The following WWOX variants were observed in gnomAD, a reference collection of about 807,000 sequenced individuals.
WWOX encodes the protein WW domain-containing oxidoreductase.
WWOX carries 69 observed loss-of-function variants against 46.2 expected under a neutral mutation model. The observed-to-expected ratio is 1.49, with a 90% CI of 1.23 to 1.82. WWOX has a LOEUF of 1.82. WWOX is among the 40% of genes most tolerant of loss of function. The pLI is 0.00. For synonymous variants in WWOX, 359 were observed against 202.6 expected, an observed-to-expected ratio of 1.77 and a Z score of -6.56; for missense variants, 919 against 542.6, an observed-to-expected ratio of 1.69 and a Z score of -6.89.
At chr16:78,873,224 T>G (rs1013180045) in intron 8 of WWOX, 2 of 152,234 alleles carry the variant, frequency 1.3e-5, no homozygotes, top group African/African-American at 4.8e-5. Context: ...CATGTAATTA[T>G]GCTTGATAAA....
chr16:79,208,915 G>A (rs946672445), intron 8 of WWOX, among the ~76,000 whole-genome samples: 1 of 152,198 alleles, frequency 6.6e-6, no homozygotes, highest in South Asian at 2.1e-4. Context: ...TGTCCAGCAA[G>A]GGAGGAAAGT....
intron 8 of WWOX, among the ~76,000 whole-genome samples, chr16:78,585,238 C>G (rs2045166890): frequency 6.6e-6 from 1 of 152,210 alleles, no homozygotes; most frequent in African/African-American, 2.4e-5. Flanking sequence ...TCTGCAAACT[C>G]AGGCTGAATG....
At chr16:79,162,224 A>G (rs959515360) in intron 8 of WWOX, among the ~76,000 whole-genome samples, 2 of 152,200 alleles carry the variant, frequency 1.3e-5, no homozygotes, top group Non-Finnish European at 2.9e-5. Context: ...GGTATGTATC[A>G]TTCGTTCAGC....
At chr16:78,764,381 C>T (rs2049875563) in intron 8 of WWOX, among the ~76,000 whole-genome samples, 2 of 151,168 alleles carry the variant, frequency 1.3e-5, no homozygotes, top group African/African-American at 4.9e-5. Flanking sequence ...CCTCCTCCTC[C>T]AGGCCCACTT....
intron 8 of WWOX, among the ~76,000 whole-genome samples, chr16:78,924,094 G>C (rs1567652553): frequency 6.6e-6 from 1 of 152,074 alleles, no homozygotes; most frequent in Admixed American, 6.5e-5. Flanking sequence ...TGGGATTACA[G>C]ACATGAGCCG....
At chr16:78,285,509 C>A (rs1381024690) in intron 5 of WWOX, among the ~76,000 whole-genome samples, 3 of 152,076 alleles carry the variant, frequency 2.0e-5, no homozygotes, top group South Asian at 2.1e-4. Flanking sequence ...GAAACAAGCT[C>A]CATGAAGCCC....
At chr16:78,566,715 C>G (rs536625343) in intron 8 of WWOX, among the ~76,000 whole-genome samples, 1 of 152,242 alleles carries the variant, frequency 6.6e-6, no homozygotes, top group Non-Finnish European at 1.5e-5. Flanking sequence ...TTAGTGACAC[C>G]AAAGTGGGCT....
rs189535584 is a variant in WWOX, at chr16:78,920,267, G to T, written c.1057-291341G>T. 4.2e-3 allele frequency among the ~76,000 whole-genome samples: 635 copies of T among 152,278 alleles called. 4 individuals are homozygous for T. Among genetic ancestry groups the T allele is most frequent in the African/African-American group, 0.015 (610 of 41,562 alleles). ...GGACGTGACACCTGACATTTCACTG[G>T]CCAAACACAGTGACCTGGTCACTCT... On this transcript the variant is annotated intron_variant, in intron 8 of 8. Transcript: ENST00000566780.
intron 6 of WWOX, among the ~76,000 whole-genome samples, chr16:78,419,522 A>G (rs531895748): frequency 1.3e-5 from 2 of 151,778 alleles, no homozygotes; most frequent in African/African-American, 4.8e-5. Context: ...TGCCAAGACA[A>G]TTCAAAATAG....
At chr16:78,260,335 A>G (rs2038246050) in intron 5 of WWOX, among the ~76,000 whole-genome samples, 1 of 151,686 alleles carries the variant, frequency 6.6e-6, no homozygotes, top group Non-Finnish European at 1.5e-5. Context: ...TCCAAAGGTC[A>G]GCAGCCTGAA....
Position 78,433,762 on chromosome 16 carries a change from C to T in WWOX, c.1056+1010C>T, listed in dbSNP as rs116042296. ...ATTCCCACCTGCCACCCTTAACCTTCGTATTTGGGGATGACTTTTTTTTTT... is the reference window on the plus strand; with the variant it reads ...ATTCCCACCTGCCACCCTTAACCTTTGTATTTGGGGATGACTTTTTTTTTT... On this transcript the variant is annotated intron_variant, in intron 8 of 8. Transcript: ENST00000566780. Among the ~76,000 whole-genome samples, 898 of 142,432 alleles carry T rather than the reference C, an allele frequency of 6.3e-3. 8 individuals are homozygous for T. Among genetic ancestry groups the T allele is most frequent in the African/African-American group, 0.022 (857 of 39,362 alleles). The allele number at this position is 142,432 out of a possible 152,430, so 93.4% of individuals were successfully genotyped here.
chr16:78,708,366 C>T lies in WWOX; in HGVS notation c.1056+275614C>T, dbSNP rs529114363. ...TATGTGAAACTCAAATTTTACTCGG[C>T]ATCCTGTGTTTTTATTTGCTAGACG... On this transcript the variant is annotated intron_variant, in intron 8 of 8. Coordinates refer to ENST00000566780, the MANE Select transcript of WWOX (RefSeq NM_016373.4). Among the ~76,000 whole-genome samples the T allele has an allele frequency of 7.9e-5, 12 of 152,258 alleles. 1 individual carries two copies. Among genetic ancestry groups the T allele is most frequent in the South Asian group, 6.2e-4 (3 of 4,820 alleles).
chr16:78,350,077 C>T (rs2081159000), intron 5 of WWOX, among the ~76,000 whole-genome samples: 1 of 120,962 alleles, frequency 8.3e-6, no homozygotes, highest in African/African-American at 2.8e-5. Context: ...AAACATTTGA[C>T]CATGTCACTT....
intron 8 of WWOX, among the ~76,000 whole-genome samples, chr16:79,062,128 C>T (rs2048367234): frequency 6.6e-6 from 1 of 152,154 alleles, no homozygotes; most frequent in South Asian, 2.1e-4. Context: ...GAATGACTGG[C>T]CACCCCAGAC....
Position 78,646,371 on chromosome 16 carries a change from C to G in WWOX, c.1056+213619C>G, listed in dbSNP as rs181011261. 2.1e-3 allele frequency among the ~76,000 whole-genome samples: 317 copies of G among 152,250 alleles called. 8 individuals carry two copies. The highest frequency in any genetic ancestry group is 0.019 in the Admixed American group (291 of 15,286). On this transcript the variant is annotated intron_variant, in intron 8 of 8. Transcript: ENST00000566780. ...CCTAACTAAAGAAAGTAAGGTCCCTCCATCCTCCATCTTAGCCCTTCTTTC... is the reference window on the plus strand; with the variant it reads ...CCTAACTAAAGAAAGTAAGGTCCCTGCATCCTCCATCTTAGCCCTTCTTTC...
intron 6 of WWOX, among the ~76,000 whole-genome samples, chr16:78,407,450 G>T (rs1567554165): frequency 6.6e-6 from 1 of 152,188 alleles, no homozygotes; most frequent in South Asian, 2.1e-4. Context: ...ATTCAGAAGA[G>T]TGTTTATTTA....
intron 5 of WWOX, among the ~76,000 whole-genome samples, chr16:78,270,027 G>C (rs966353518): frequency 6.7e-6 from 1 of 149,548 alleles, no homozygotes; most frequent in African/African-American, 2.5e-5. Flanking sequence ...CAGCAGAAAT[G>C]ATGTGTATGA....
chr16:78,614,002 A>T (rs1232774599), intron 8 of WWOX, among the ~76,000 whole-genome samples: 1 of 152,200 alleles, frequency 6.6e-6, no homozygotes, highest in Non-Finnish European at 1.5e-5. Flanking sequence ...AGTAGTCATG[A>T]CAGTAACCAT....
At chr16:78,677,555 T>C (rs914497389) in intron 8 of WWOX, among the ~76,000 whole-genome samples, 5 of 152,204 alleles carry the variant, frequency 3.3e-5, no homozygotes, top group East Asian at 1.9e-4. Flanking sequence ...GGAATAGTTA[T>C]GGGTCCTTTC....
Sources: allele counts gnomAD v4.1 joint callset (sites outside exome capture counted in the v4.1 genomes callset), GRCh38; gene constraint gnomAD v4.1.1; transcripts MANE v1.5; gene names NCBI Gene and HGNC (gene_info 2026-07-23, HGNC 2026-07-21).